GALNT14: variants seen among roughly 807,000 people sequenced by gnomAD.
The protein encoded by GALNT14 is UDP-GalNAc:polypeptide N-acetylgalactosaminyltransferase 14.
GALNT14 carries 60 observed loss-of-function variants against 77.5 expected under a neutral mutation model. The ratio of observed to expected loss-of-function variants is 0.77; its 90% confidence interval spans 0.63 to 0.96. The LOEUF is 0.96. Among genes scored for constraint, GALNT14 ranks in the 40% least tolerant of loss-of-function variants. The pLI is 0.00. For missense variants in GALNT14, 710 were observed against 731.0 expected (o/e 0.97, Z 0.33); for synonymous variants, 280 against 281.7 (o/e 0.99, Z 0.06).
At chr2:30,965,759 A>T (rs544155855) in intron 3 of GALNT14, among the ~76,000 whole-genome samples, 2 of 152,266 alleles carry the variant, frequency 1.3e-5, no homozygotes, top group East Asian at 3.9e-4. Context: ...TCTGATTTGC[A>T]TGGCCCCTGG....
intron 6 of GALNT14, among the ~76,000 whole-genome samples, chr2:30,952,310 C>A (rs142502183): frequency 6.6e-6 from 1 of 151,820 alleles, no homozygotes; most frequent in Admixed American, 6.6e-5. Context: ...CACATGCACA[C>A]GTATGTTTAT....
intron 1 of GALNT14, among the ~76,000 whole-genome samples, chr2:31,011,895 T>C (rs775902578): frequency 2.6e-5 from 4 of 152,144 alleles, no homozygotes; most frequent in Non-Finnish European, 5.9e-5. Flanking sequence ...CTGGCTGCCA[T>C]AACGCTCAGC....
chr2:30,922,856 T>C lies in GALNT14; in HGVS notation c.1380+1263A>G, dbSNP rs10194058. On this transcript the variant is annotated intron_variant, in intron 13 of 14. Transcript: ENST00000349752. ...AATAAAGAAGTATCTGTTGAATGAA[T>C]AAATGAATTCATGGATAGATGAAGA... Among the ~76,000 whole-genome samples, 880 of 152,334 alleles carry C rather than the reference T, an allele frequency of 5.8e-3. 8 individuals are homozygous for C. Among genetic ancestry groups the C allele is most frequent in the Middle Eastern group, 0.01 (3 of 294 alleles).
chr2:30,929,172 G>T lies in GALNT14; in HGVS notation c.1151+223C>A, dbSNP rs1279669135. ...GGCACAGCTCAGCTCCCCTAGAGCT[G>T]GCAGTCCAGGTTGCCAGGCAGTCAT... On this transcript the variant is annotated intron_variant, in intron 11 of 14. Transcript: ENST00000349752. Among the ~76,000 whole-genome samples the T allele has an allele frequency of 3.9e-5, 6 of 152,332 alleles. No homozygotes were observed. In the East Asian group the frequency reaches 1.2e-3, roughly 29 times the overall value.
At chr2:31,009,438 T>C (rs1053896862) in intron 1 of GALNT14, among the ~76,000 whole-genome samples, 1 of 152,196 alleles carries the variant, frequency 6.6e-6, no homozygotes, top group African/African-American at 2.4e-5. Context: ...GTTGGAAGTG[T>C]GCATGGATTT....
intron 1 of GALNT14, among the ~76,000 whole-genome samples, chr2:31,096,260 T>G (rs926283604): frequency 2.0e-5 from 3 of 152,156 alleles, no homozygotes; most frequent in South Asian, 2.1e-4. Flanking sequence ...AACCTTAACT[T>G]CCTCTTGTCA....
At chr2:30,990,937 A>G (rs1669658926) in intron 2 of GALNT14, among the ~76,000 whole-genome samples, 1 of 152,192 alleles carries the variant, frequency 6.6e-6, no homozygotes, top group Admixed American at 6.5e-5. Flanking sequence ...CTTTCTTAAC[A>G]GACGGAACAC....
chr2:31,034,615 C>T (rs756622347), intron 1 of GALNT14, among the ~76,000 whole-genome samples: 32 of 151,618 alleles, frequency 2.1e-4, no homozygotes, highest in Non-Finnish European at 4.3e-4. Context: ...TAATTTTCTT[C>T]CTTCAGTTGT....
chr2:30,940,856 G>A (rs886291797), intron 9 of GALNT14, among the ~76,000 whole-genome samples: 11 of 152,154 alleles, frequency 7.2e-5, no homozygotes, highest in African/African-American at 2.4e-4. Flanking sequence ...GATTTTGTGT[G>A]GGTGTTGGGG....
intron 1 of GALNT14, among the ~76,000 whole-genome samples, chr2:31,122,281 A>T (rs1678451731): frequency 6.6e-6 from 1 of 152,232 alleles, no homozygotes; most frequent in Admixed American, 6.5e-5. Flanking sequence ...TGATGGTGAT[A>T]CCTGGAAGAC....
At chr2:31,109,237 A>C (rs973382030) in intron 1 of GALNT14, among the ~76,000 whole-genome samples, 7 of 152,234 alleles carry the variant, frequency 4.6e-5, no homozygotes, top group African/African-American at 1.7e-4. Flanking sequence ...AGAGAAAATA[A>C]AATTCAGCAA....
intron 1 of GALNT14, among the ~76,000 whole-genome samples, chr2:31,064,400 C>T (rs1674802682): frequency 6.6e-6 from 1 of 152,170 alleles, no homozygotes; most frequent in South Asian, 2.1e-4. Context: ...GCTTTCCAGA[C>T]CTCCCTCAGA....
chr2:30,975,818 C>G (rs962847907), intron 2 of GALNT14, among the ~76,000 whole-genome samples: 5 of 152,096 alleles, frequency 3.3e-5, no homozygotes, highest in Non-Finnish European at 7.4e-5. Context: ...TGACATTTTA[C>G]TTTGTGAGAA....
chr2:30,925,606 C>A (rs1011579836), intron 11 of GALNT14, among the ~76,000 whole-genome samples: 1 of 152,136 alleles, frequency 6.6e-6, no homozygotes, highest in Non-Finnish European at 1.5e-5. Context: ...AGAAGCTCTG[C>A]GGGCAGGAAG....
At chr2:30,905,892 G>A (rs1438499861), downstream of GALNT14, among the ~76,000 whole-genome samples, 1 of 152,086 alleles carries the variant, frequency 6.6e-6, no homozygotes, top group Admixed American at 6.6e-5. Context: ...CCAGAAGAGA[G>A]TCAGGGCCAA....
intron 1 of GALNT14, among the ~76,000 whole-genome samples, chr2:31,000,170 G>A (rs1256092359): frequency 6.6e-6 from 1 of 151,514 alleles, no homozygotes; most frequent in South Asian, 2.1e-4. Context: ...TAGATCTGGG[G>A]TCTGTGCCAC....
intron 1 of GALNT14, among the ~76,000 whole-genome samples, chr2:31,012,402 T>C (rs1671088220): frequency 1.3e-5 from 2 of 152,324 alleles, no homozygotes; most frequent in South Asian, 4.1e-4. Context: ...ACCTGTTTAT[T>C]GGGTCTCTTC....
the GALNT14 span, among the ~76,000 whole-genome samples, chr2:30,902,042 A>G: frequency 6.6e-6 from 1 of 152,144 alleles, no homozygotes; most frequent in Non-Finnish European, 1.5e-5. Flanking sequence ...ATTCAAACTC[A>G]ATATTCGGAT....
At chr2:31,059,255 A>G (rs1674434533) in intron 1 of GALNT14, among the ~76,000 whole-genome samples, 1 of 152,162 alleles carries the variant, frequency 6.6e-6, no homozygotes, top group Admixed American at 6.5e-5. Flanking sequence ...TAATGAAAAA[A>G]CAGTATTAGT....
Sources: allele counts gnomAD v4.1 joint callset (sites outside exome capture counted in the v4.1 genomes callset), GRCh38; gene constraint gnomAD v4.1.1; transcripts MANE v1.5; gene names NCBI Gene and HGNC (gene_info 2026-07-23, HGNC 2026-07-21).